NEMF: variants seen among roughly 807,000 people sequenced by gnomAD.
NEMF encodes the protein nuclear export mediator factor, also known as ribosome quality control complex subunit NEMF.
In NEMF, 89 loss-of-function variants were observed where a neutral mutation model predicts 162.2. The ratio of observed to expected loss-of-function variants is 0.55; its 90% CI spans 0.46 to 0.65. The LOEUF is 0.65. Among genes scored for constraint, NEMF ranks in the 30% least tolerant of loss-of-function variants. The probability of loss-of-function intolerance (pLI) is 0.00; values close to 1 mark genes in which losing one functional copy is unlikely to be tolerated. For synonymous variants in NEMF, 421 were observed against 404.5 expected, an observed-to-expected ratio of 1.04 and a Z score of -0.49; for missense variants, 1,133 against 1,261.9, an observed-to-expected ratio of 0.90 and a Z score of 1.55.
intron 11 of NEMF, among the ~76,000 whole-genome samples, chr14:49,830,736 A>C (rs1566693074): frequency 6.6e-6 from 1 of 152,236 alleles, no homozygotes. Context: ...TTTTTGAAAA[A>C]ATCAAATCCC....
intron 23 of NEMF, among the ~76,000 whole-genome samples, 200 bp downstream of exon 23, chr14:49,800,220 T>C (rs1044776809): frequency 6.6e-6 from 1 of 152,184 alleles, no homozygotes; most frequent in Non-Finnish European, 1.5e-5. Flanking sequence ...GGATCTAGTT[T>C]GGCCACTCTA....
chr14:49,792,473 A>C (rs1004171393), intron 26 of NEMF, among the ~76,000 whole-genome samples: 3 of 152,160 alleles, frequency 2.0e-5, no homozygotes, highest in Non-Finnish European at 2.9e-5. Flanking sequence ...CAGCCTCCCA[A>C]AGTGCTGGGA....
At position 49,828,326 on chromosome 14, in the gene NEMF, T is replaced by C. The variant is rs1373215427; in HGVS notation, c.1453A>G (p.Lys485Glu). ...KYYDHKRYAA[K>E]KTQKTVEAAE... ...GCTTCAACAGTCTTTTGTGTTTTCT[T>C]AGCAGCATATCTCTTGTGATCATAA... Residue 485 changes from lysine (K) to glutamate (E), a missense_variant, in exon 15 of 33, where the codon AAG (lysine) becomes GAG (glutamate). By Grantham distance (56) the Lys-to-Glu change is moderately conservative (BLOSUM62 1). This residue lies in a region of NEMF where 582 missense variants were observed against 631.5 expected (regional missense o/e 0.92). Transcript: ENST00000298310. 4 of 1,602,372 alleles carry C rather than the reference T, an allele frequency of 2.5e-6. No individual in the cohort carries two copies. In the African/African-American group the frequency reaches 4.0e-5, roughly 16 times the overall value.
At chr14:49,841,844 G>A (rs1313657032) in intron 4 of NEMF, among the ~76,000 whole-genome samples, 4 of 152,116 alleles carry the variant, frequency 2.6e-5, no homozygotes, top group Admixed American at 6.6e-5. Context: ...AGTGGCTCAC[G>A]CCTGTAATCC....
rs758653072 is a variant in NEMF, at chr14:49,852,744, G to T, written c.10C>A (p.Arg4Ser). The change falls in exon 1 of 33, where the codon CGC becomes AGC. Residue 4 changes from arginine to serine, a missense_variant. By Grantham distance (110) the Arg-to-Ser change is moderately radical (BLOSUM62 -1). This residue lies in a region of NEMF where 582 missense variants were observed against 631.5 expected (regional missense o/e 0.92). Coordinates refer to ENST00000298310, the MANE Select transcript of NEMF (RefSeq NM_004713.6). MKS[R>S]FSTIDLRAVL... ...GCGCGGAGGTCAATGGTGCTAAAGC[G>T]GCTCTTCATGGCGAGGCCCGAGGGT... is the stretch of plus-strand genomic sequence containing the variant. The T allele has an allele frequency of 6.2e-7, 1 of 1,614,214 alleles. No homozygotes were observed. Among genetic ancestry groups the T allele is most frequent in the Non-Finnish European group, 8.5e-7 (1 of 1,180,042 alleles).
intron 9 of NEMF, 22 bp from the exon 10 acceptor site, chr14:49,832,148 T>C (rs1892671172): frequency 1.4e-5 from 22 of 1,598,022 alleles, no homozygotes; most frequent in Non-Finnish European, 1.8e-5. Flanking sequence ...ATTTATTATA[T>C]CACATTCGAG....
At chr14:49,833,873 A>G (rs1165171177) in intron 7 of NEMF, among the ~76,000 whole-genome samples, 1 of 152,200 alleles carries the variant, frequency 6.6e-6, no homozygotes, top group Non-Finnish European at 1.5e-5. Context: ...ACAGACAGTA[A>G]TAAATCATTA....
intron 29 of NEMF, 176 bp from the exon 30 acceptor site, chr14:49,785,496 A>C (rs555268586): frequency 1.8e-6 from 1 of 567,350 alleles, no homozygotes; most frequent in South Asian, 2.1e-5. Context: ...TTGAAGACCA[A>C]TGTTTAAATA....
chr14:49,783,276 C>A lies in NEMF; in HGVS notation c.*1360G>T. 6.6e-6 allele frequency: 1 copy of A among 151,892 alleles called. No homozygotes were observed. The highest frequency in any genetic ancestry group is 1.3e-5 in the Non-Finnish European group (1 of 79,156). The allele number at this position is 151,892 out of a possible 1,614,324, so 9.4% of individuals were successfully genotyped here. A position where few individuals can be genotyped will look rare whatever the true frequency, so the allele number is the denominator to read the frequency against. ...CTTACCATCATCAAAATGCTGAAGTCATTTTTTGAAAACATTATAGATTTT... is the reference window on the plus strand; with the variant it reads ...CTTACCATCATCAAAATGCTGAAGTAATTTTTTGAAAACATTATAGATTTT... On this transcript the variant is annotated 3_prime_UTR_variant, in exon 33 of 33. Coordinates refer to ENST00000298310, the MANE Select transcript of NEMF (RefSeq NM_004713.6).
intron 3 of NEMF, among the ~76,000 whole-genome samples, chr14:49,850,014 C>T (rs1259575375): frequency 6.6e-6 from 1 of 152,054 alleles, no homozygotes; most frequent in Non-Finnish European, 1.5e-5. Flanking sequence ...TAACTCAATG[C>T]CATAACAGAT....
chr14:49,787,271 A>AAATACC lies in NEMF; in HGVS notation c.2896-527_2896-522dup, dbSNP rs572030063. 5.8e-3 allele frequency: 903 copies of AAATACC among 154,676 alleles called. 3 individuals carry two copies. Among genetic ancestry groups the AAATACC allele is most frequent in the South Asian group, 0.017 (84 of 5,054 alleles). The allele number at this position is 154,676 out of a possible 1,614,324, so 9.6% of individuals were successfully genotyped here. Reference sequence around the variant, plus strand: ...TCAGTCTGTTCAGGCTGCTGTAACAAAATACCTTAGCCTGTATAATTTAGA... The same window carrying AAATACC: ...TCAGTCTGTTCAGGCTGCTGTAACAAAATACCAATACCTTAGCCTGTATAATTTAGA... On this transcript the variant is annotated intron_variant, in intron 28 of 32. Transcript: ENST00000298310.
chr14:49,838,208 T>A lies in NEMF; in HGVS notation c.507-2A>T, dbSNP rs1199278095. On this transcript the variant is annotated splice_acceptor_variant, in intron 5 of 32. Coordinates refer to ENST00000298310, the MANE Select transcript of NEMF (RefSeq NM_004713.6). LOFTEE classifies it high-confidence loss of function. Reference sequence around the variant, plus strand: ...GCGCTGGCTACTATTTCAGTCAACCTGTGAAACAAAACGGACATGCCTCTA... The same window carrying A: ...GCGCTGGCTACTATTTCAGTCAACCAGTGAAACAAAACGGACATGCCTCTA... 2 of 1,613,676 alleles carry A rather than the reference T, an allele frequency of 1.2e-6. No individual in the cohort carries two copies. Among genetic ancestry groups the A allele is most frequent in the South Asian group, 1.1e-5 (1 of 91,056 alleles).
At chr14:49,817,875 A>G (rs890633427) in intron 16 of NEMF, among the ~76,000 whole-genome samples, 13 of 152,204 alleles carry the variant, frequency 8.5e-5, no homozygotes, top group African/African-American at 2.7e-4. Flanking sequence ...TTCATCAGCT[A>G]TTTAAGAACA....
Position 49,785,155 on chromosome 14 carries a change from G to T in NEMF, c.3030-20C>A. The T allele has an allele frequency of 6.3e-7, 1 of 1,599,356 alleles. No homozygotes were observed. Among genetic ancestry groups the T allele is most frequent in the Middle Eastern group, 1.7e-4 (1 of 6,024 alleles). ...TTATATCTTTAAAAAGGAATTACATGTGTTACTAAATAGACGTTACAAAAC... is the reference window on the plus strand; with the variant it reads ...TTATATCTTTAAAAAGGAATTACATTTGTTACTAAATAGACGTTACAAAAC... On this transcript the variant is annotated intron_variant, in intron 30 of 32. Coordinates refer to ENST00000298310, the MANE Select transcript of NEMF (RefSeq NM_004713.6).
At position 49,789,212 on chromosome 14, in the gene NEMF, A is replaced by C; in HGVS notation, c.2829T>G (p.Thr943=). ...CATGAGTTATAACCTCAAGGAACGG[A>C]GTTTCTTTCTTAATGTTGTCAGAGA... ...QRVSDNIKKE[T]PFLEVITHEL... is the part of the protein sequence containing the mutation. Residue 943 remains threonine, a synonymous_variant, in exon 28 of 33, where the codon ACT becomes ACG. Coordinates refer to ENST00000298310, the MANE Select transcript of NEMF (RefSeq NM_004713.6). 1.2e-6 allele frequency: 2 copies of C among 1,613,916 alleles called. No individual in the cohort carries two copies. The highest frequency in any genetic ancestry group is 1.7e-6 in the Non-Finnish European group (2 of 1,179,894).
chr14:49,789,265 G>A lies in NEMF; in HGVS notation c.2776C>T (p.Pro926Ser), dbSNP rs1262629391. Residue 926 changes from proline (P) to serine (S), a missense_variant, in exon 28 of 33, where the codon CCC (proline) becomes TCC (serine). By Grantham distance (74) the Pro-to-Ser change is moderately conservative. This residue lies in a region of NEMF where 532 missense variants were observed against 578.6 expected (regional missense o/e 0.92). Coordinates refer to ENST00000298310, the MANE Select transcript of NEMF (RefSeq NM_004713.6). ...KTKDEPVKKQ[P>S]QKPRGGQRVS... ...CTCTGTCCACCTCTAGGTTTCTGGG[G>A]CTGTTTCTTCACAGGTTCGTCCTTT... is the stretch of plus-strand genomic sequence containing the variant. The A allele has an allele frequency of 6.2e-7, 1 of 1,614,092 alleles. No individual in the cohort carries two copies. The highest frequency in any genetic ancestry group is 1.1e-5 in the South Asian group (1 of 91,076).
chr14:49,825,920 T>C lies in NEMF; in HGVS notation c.1524A>G (p.Thr508=). The change falls in exon 16 of 33, where the codon ACA becomes ACG. Residue 508 remains threonine, a synonymous_variant. Transcript: ENST00000298310. ...AGGTAACAGTCTGAACTTCTTTTAATGTTTGCTTTGTTTTCTTTTCTGCTG... is the reference window on the plus strand; with the variant it reads ...AGGTAACAGTCTGAACTTCTTTTAACGTTTGCTTTGTTTTCTTTTCTGCTG... ...FKSAEKKTKQ[T]LKEVQTVTSI... is the part of the protein sequence containing the mutation. 1.2e-6 allele frequency: 2 copies of C among 1,611,830 alleles called. No homozygotes were observed. Among genetic ancestry groups the C allele is most frequent in the South Asian group, 1.1e-5 (1 of 90,788 alleles).
chr14:49,786,921 A>G (rs1200650763), intron 28 of NEMF, 171 bp from the exon 29 acceptor site: 26 of 597,484 alleles, frequency 4.4e-5, no homozygotes, highest in Non-Finnish European at 1.5e-5. Flanking sequence ...GTGGATTCGT[A>G]TATGTGTTTG....
chr14:49,847,011 G>A (rs1420575874), intron 3 of NEMF, among the ~76,000 whole-genome samples: 1 of 151,606 alleles, frequency 6.6e-6, no homozygotes, highest in Non-Finnish European at 1.5e-5. Flanking sequence ...TCAGCCTCCT[G>A]AGTAGCTGAA....
Sources: gnomAD v4.1 joint callset for allele counts (sites outside exome capture counted in the v4.1 genomes callset) on GRCh38, gnomAD v4.1.1 for gene constraint, gnomAD v4.1.1 regional missense constraint, MANE v1.5 for transcripts, NCBI Gene and HGNC (gene_info 2026-07-23, HGNC 2026-07-21) for gene names.